Variants in ATF7IP observed in about 807,000 individuals in gnomAD.
The protein encoded by ATF7IP is activating transcription factor 7 interacting protein.
In ATF7IP, 23 loss-of-function variants were observed where a neutral mutation model predicts 106.4. That is an observed-to-expected ratio of 0.22 (90% CI 0.16 to 0.31). The LOEUF is 0.31. Ranked by LOEUF, ATF7IP falls within the 10% of genes least tolerant of loss-of-function variation. The probability of loss-of-function intolerance (pLI) is 1.00; values close to 1 mark genes in which losing one functional copy is unlikely to be tolerated. For missense variants in ATF7IP, 1,334 were observed against 1,524.3 expected (o/e 0.88, Z 2.08); for synonymous variants, 542 against 539.0 (o/e 1.01, Z -0.08).
rs750330386 is a variant in ATF7IP at position 14,424,620 on chromosome 12, T to C, written c.705T>C (p.Thr235=). ...AADDIASSEI[T]SVDLASGAPA... is the part of the protein sequence containing the mutation. ...ATGATATAGCCTCTAGTGAAATAACTTCTGTTGATCTGGCTTCTGGAGCAC... is the reference window on the plus strand; with the variant it reads ...ATGATATAGCCTCTAGTGAAATAACCTCTGTTGATCTGGCTTCTGGAGCAC... Residue 235 remains threonine (T), a synonymous_variant, in exon 2 of 15, where the codon ACT becomes ACC. Coordinates refer to ENST00000261168, the MANE Select transcript of ATF7IP (RefSeq NM_018179.5). 3.2e-5 allele frequency: 52 copies of C among 1,614,014 alleles called. No homozygotes were observed. Among genetic ancestry groups the C allele is most frequent in the Non-Finnish European group, 4.4e-5 (52 of 1,180,030 alleles).
chr12:14,378,903 C>T (rs1319320336), intron 1 of ATF7IP, among the ~76,000 whole-genome samples: 1 of 152,178 alleles, frequency 6.6e-6, no homozygotes, highest in African/African-American at 2.4e-5. Flanking sequence ...AGACACAATT[C>T]CTCAGGTATG....
chr12:14,484,616 G>T (rs907346826), intron 13 of ATF7IP, among the ~76,000 whole-genome samples: 2 of 152,116 alleles, frequency 1.3e-5, no homozygotes, highest in Non-Finnish European at 2.9e-5. Context: ...CCTGCATATG[G>T]TGCAGAACCA....
intron 1 of ATF7IP, among the ~76,000 whole-genome samples, chr12:14,378,296 C>T (rs1938846754): frequency 6.6e-6 from 1 of 151,884 alleles, no homozygotes; most frequent in African/African-American, 2.4e-5. Context: ...TGGAGTTTTG[C>T]CATGTTGGCC....
At chr12:14,433,073 A>G (rs1397674122) in intron 2 of ATF7IP, among the ~76,000 whole-genome samples, 1 of 152,144 alleles carries the variant, frequency 6.6e-6, no homozygotes, top group Non-Finnish European at 1.5e-5. Context: ...GACTCATGCA[A>G]ATTAACCCTT....
intron 6 of ATF7IP, among the ~76,000 whole-genome samples, chr12:14,452,584 A>G (rs1943247611): frequency 6.6e-6 from 1 of 152,156 alleles, no homozygotes; most frequent in Non-Finnish European, 1.5e-5. Context: ...TTAAACTGCA[A>G]ATAACTTTAA....
At chr12:14,434,527 A>G in intron 3 of ATF7IP, 104 bp downstream of exon 3, 1 of 798,182 alleles carries the variant, frequency 1.3e-6, no homozygotes, top group Non-Finnish European at 2.0e-6. Flanking sequence ...AATAATTGTA[A>G]AATTTTGCAA....
intron 10 of ATF7IP, among the ~76,000 whole-genome samples, chr12:14,470,117 A>G (rs1017060400): frequency 1.3e-5 from 2 of 152,214 alleles, no homozygotes; most frequent in Non-Finnish European, 2.9e-5. Context: ...TTGATAACTA[A>G]CCAAGTCTCA....
intron 1 of ATF7IP, chr12:14,394,896 A>T (rs1317054605): frequency 6.6e-6 from 1 of 152,212 alleles, no homozygotes; most frequent in Non-Finnish European, 1.5e-5. Flanking sequence ...AAAGCAGTAC[A>T]AAGAATTCTG....
At chr12:14,449,951 A>G (rs1008073164) in intron 6 of ATF7IP, among the ~76,000 whole-genome samples, 9 of 151,974 alleles carry the variant, frequency 5.9e-5, no homozygotes, top group African/African-American at 1.2e-4. Context: ...TTTCGATGCT[A>G]TTATAAATTA....
In ATF7IP at chr12:14,479,516, T is replaced by A. The variant is rs116276417; in HGVS notation, c.3097+1044T>A. 4.4e-3 allele frequency among the ~76,000 whole-genome samples: 666 copies of A among 152,220 alleles called. 4 individuals are homozygous for A. Among genetic ancestry groups the A allele is most frequent in the African/African-American group, 0.015 (641 of 41,538 alleles). ...AGGAAAACATTGAATTTAAGTGGGGTTTTATCCAGTGAAATTTATACTTAA... is the reference window on the plus strand; with the variant it reads ...AGGAAAACATTGAATTTAAGTGGGGATTTATCCAGTGAAATTTATACTTAA... On this transcript the variant is annotated intron_variant, in intron 12 of 14. Transcript: ENST00000261168.
intron 1 of ATF7IP, chr12:14,395,398 A>AT (rs1441065208): frequency 6.6e-6 from 1 of 152,096 alleles, no homozygotes; most frequent in Non-Finnish European, 1.5e-5. Context: ...TATTCAGGAG[A>AT]TTTTGAATGC....
chr12:14,501,814 A>C lies in ATF7IP; in HGVS notation c.*3741A>C, dbSNP rs377417366. The C allele has an allele frequency of 2.0e-5, 3 of 152,314 alleles. No homozygotes were observed. The highest frequency in any genetic ancestry group is 3.8e-4 in the East Asian group (2 of 5,196). 9.4% of individuals were successfully genotyped at this position (152,314 alleles called of 1,614,324 possible). On this transcript the variant is annotated 3_prime_UTR_variant, in exon 15 of 15. Coordinates refer to ENST00000261168, the MANE Select transcript of ATF7IP (RefSeq NM_018179.5). The stretch of plus-strand genomic sequence containing the variant: ...CTGTATCTTACAATTCCCTTACTGC[A>C]CTGGGTAAGTGTTAACTTAGTTTTT...
chr12:14,487,269 G>C (rs933310193), intron 13 of ATF7IP, among the ~76,000 whole-genome samples: 1 of 149,452 alleles, frequency 6.7e-6, no homozygotes, highest in African/African-American at 2.6e-5. Context: ...CTGTTCTCTA[G>C]GTTTCTGTTT....
chr12:14,398,106 G>GT (rs1260611448), intron 1 of ATF7IP, among the ~76,000 whole-genome samples: 1 of 151,896 alleles, frequency 6.6e-6, no homozygotes, highest in Non-Finnish European at 1.5e-5. Context: ...TCCTTGCAAG[G>GT]TTTTTTTCTG....
chr12:14,404,414 G>C (rs538954844), intron 1 of ATF7IP, among the ~76,000 whole-genome samples: 8 of 152,078 alleles, frequency 5.3e-5, no homozygotes, highest in Non-Finnish European at 8.8e-5. Flanking sequence ...GAATACATGA[G>C]TAAATCAACC....
intron 9 of ATF7IP, among the ~76,000 whole-genome samples, chr12:14,462,759 GT>G (rs1943691659): frequency 6.6e-6 from 1 of 151,818 alleles, no homozygotes; most frequent in Non-Finnish European, 1.5e-5. Flanking sequence ...ATAAAAGTAA[GT>G]TTTCACAATC....
intron 1 of ATF7IP, among the ~76,000 whole-genome samples, chr12:14,372,812 T>C (rs1328952812): frequency 6.6e-6 from 1 of 152,148 alleles, no homozygotes; most frequent in African/African-American, 2.4e-5. Context: ...TGGGGAAGTA[T>C]TATCTGGTTT....
At chr12:14,488,931 AAAG>A (rs1364548794) in intron 13 of ATF7IP, among the ~76,000 whole-genome samples, 1 of 152,220 alleles carries the variant, frequency 6.6e-6, no homozygotes, top group African/African-American at 2.4e-5. Context: ...GTTTTTAGCA[AAAG>A]AAGGAGGAAA....
chr12:14,376,351 A>ACC (rs1387845310), intron 1 of ATF7IP, among the ~76,000 whole-genome samples: 1 of 152,250 alleles, frequency 6.6e-6, no homozygotes, highest in Admixed American at 6.5e-5. Flanking sequence ...CTCTTAAGGC[A>ACC]CAGATTTGGC....
Sources: gnomAD v4.1 joint callset for allele counts (sites outside exome capture counted in the v4.1 genomes callset) on GRCh38, gnomAD v4.1.1 for gene constraint, MANE v1.5 for transcripts, NCBI Gene and HGNC (gene_info 2026-07-23, HGNC 2026-07-21) for gene names.